Variants in CFAP77 observed in about 807,000 individuals in gnomAD.
CFAP77 encodes cilia- and flagella-associated protein 77.
Under a neutral mutation model 31.1 loss-of-function variants are expected in CFAP77, and 25 were observed. The observed-to-expected ratio is 0.80, with a 90% CI of 0.59 to 1.12. CFAP77 has a LOEUF of 1.12. Among genes scored for constraint, CFAP77 ranks in the 50% most tolerant of loss-of-function variants. The probability of loss-of-function intolerance (pLI) is 0.00; values close to 1 mark genes in which losing one functional copy is unlikely to be tolerated. For missense variants in CFAP77, 377 were observed against 397.3 expected (o/e 0.95, Z 0.44); for synonymous variants, 151 against 159.9 (o/e 0.94, Z 0.42).
rs1467682556 is a variant in CFAP77 at position 132,411,880 on chromosome 9, CACACACACACAT to C, written c.195+1418_195+1429del. On this transcript the variant is annotated intron_variant, in intron 1 of 5. Coordinates refer to ENST00000393216, the MANE Select transcript of CFAP77 (RefSeq NM_001282957.2). ...ATATGTACACACACACACACACACA[CACACACACACAT>C]ACATGCATATGCATTTGTGTATGCA... Among the ~76,000 whole-genome samples the C allele has an allele frequency of 1.9e-3, 287 of 152,150 alleles. 1 individual carries two copies. The highest frequency in any genetic ancestry group is 6.4e-3 in the African/African-American group (266 of 41,484).
chr9:132,476,888 G>T (rs888292033), intron 1 of CFAP77, among the ~76,000 whole-genome samples: 3 of 152,200 alleles, frequency 2.0e-5, no homozygotes, highest in Admixed American at 1.3e-4. Context: ...GGAGCGGTGA[G>T]ATTTCTGCTG....
chr9:132,435,282 CTTATT>C (rs1850486497), intron 1 of CFAP77, among the ~76,000 whole-genome samples: 1 of 152,134 alleles, frequency 6.6e-6, no homozygotes, highest in East Asian at 1.9e-4. Context: ...AGATTGCCCA[CTTATT>C]TTATTTATTT....
chr9:132,556,398 T>A (rs1340757849), intron 5 of CFAP77, among the ~76,000 whole-genome samples: 1 of 152,008 alleles, frequency 6.6e-6, no homozygotes, highest in Non-Finnish European at 1.5e-5. Flanking sequence ...ATCATCTGGG[T>A]TCTGCAAAGA....
At chr9:132,571,544 C>T (rs953073478) in intron 5 of CFAP77, among the ~76,000 whole-genome samples, 6 of 152,206 alleles carry the variant, frequency 3.9e-5, no homozygotes, top group Non-Finnish European at 7.3e-5. Flanking sequence ...ATATCCCCCA[C>T]ATCTGACACA....
intron 5 of CFAP77, among the ~76,000 whole-genome samples, chr9:132,548,701 T>G (rs1050550849): frequency 7.3e-6 from 1 of 137,362 alleles, no homozygotes; most frequent in East Asian, 2.2e-4. Context: ...CACATTCCCC[T>G]CCCGCCCCCA....
chr9:132,522,110 G>T (rs1335854014), intron 3 of CFAP77, among the ~76,000 whole-genome samples: 1 of 152,144 alleles, frequency 6.6e-6, no homozygotes, highest in East Asian at 1.9e-4. Flanking sequence ...AGGAGCAGGG[G>T]GCCAGGGGAT....
intron 1 of CFAP77, among the ~76,000 whole-genome samples, chr9:132,416,335 T>TC (rs1850096766): frequency 7.3e-6 from 1 of 137,640 alleles, no homozygotes; most frequent in Non-Finnish European, 1.5e-5. Context: ...TCTGATTTTT[T>TC]TTTTTTTTTT....
chr9:132,536,027 C>T (rs1204166516), intron 3 of CFAP77, among the ~76,000 whole-genome samples: 1 of 151,924 alleles, frequency 6.6e-6, no homozygotes, highest in East Asian at 1.9e-4. Flanking sequence ...CATTTTCTTC[C>T]TCATGAAAAT....
rs900262713 is a variant in CFAP77, at chr9:132,517,421, T to C, written c.524+17821T>C. 6.6e-6 allele frequency among the ~76,000 whole-genome samples: 1 copy of C among 152,246 alleles called. No individual in the cohort carries two copies. Among genetic ancestry groups the C allele is most frequent in the African/African-American group, 2.4e-5 (1 of 41,456 alleles). The stretch of plus-strand genomic sequence containing the variant: ...CGTTGAACAGACCTCGGCGCTGTCA[T>C]TGATTTTCCAGGAAGAAAAAAATCG... On this transcript the variant is annotated intron_variant, in intron 3 of 5. Transcript: ENST00000393216. The surrounding 1 kb of genome is among the most constrained non-coding windows in gnomAD (Gnocchi z 4.7).
intron 4 of CFAP77, among the ~76,000 whole-genome samples, chr9:132,538,794 A>G (rs1180917440): frequency 6.6e-6 from 1 of 150,474 alleles, no homozygotes; most frequent in African/African-American, 2.5e-5. Context: ...AGATACTAGA[A>G]TGGTACTTCC....
rs1041854301 is a variant in CFAP77, at chr9:132,480,477, T to G, written c.196-18218T>G. On this transcript the variant is annotated intron_variant, in intron 1 of 5. Coordinates refer to ENST00000393216, the MANE Select transcript of CFAP77 (RefSeq NM_001282957.2). This position sits in a 1 kb window ranked among gnomAD's most constrained non-coding sequence, Gnocchi z 5.8. ...CCCCACCCCTTGGTGCTCAGTCACG[T>G]GAGCATCCCAGAGCATGTGCTGAAG... Among the ~76,000 whole-genome samples the G allele has an allele frequency of 6.6e-6, 1 of 152,212 alleles. No homozygotes were observed. The highest frequency in any genetic ancestry group is 1.5e-5 in the Non-Finnish European group (1 of 68,036).
chr9:132,419,703 A>T (rs1316097670), intron 1 of CFAP77, among the ~76,000 whole-genome samples: 1 of 151,772 alleles, frequency 6.6e-6, no homozygotes, highest in African/African-American at 2.4e-5. Flanking sequence ...CTTTTTATGC[A>T]TTTAAGACTG....
At chr9:132,438,397 A>G (rs1451423850) in intron 1 of CFAP77, among the ~76,000 whole-genome samples, 1 of 151,046 alleles carries the variant, frequency 6.6e-6, no homozygotes, top group Non-Finnish European at 1.5e-5. Context: ...GATTTTGTAT[A>G]CCATTGGTTT....
intron 1 of CFAP77, among the ~76,000 whole-genome samples, chr9:132,483,000 G>A (rs1408373245): frequency 6.7e-6 from 1 of 149,980 alleles, no homozygotes; most frequent in Admixed American, 6.7e-5. Flanking sequence ...GGCTATGTGA[G>A]GGGGCTCATG....
intron 1 of CFAP77, among the ~76,000 whole-genome samples, chr9:132,475,955 C>T (rs561675932): frequency 5.9e-5 from 9 of 152,368 alleles, no homozygotes; most frequent in East Asian, 1.9e-4. Flanking sequence ...ACTCACCTTC[C>T]GTCTGGTCTG....
intron 5 of CFAP77, among the ~76,000 whole-genome samples, chr9:132,559,288 T>C (rs1387745388): frequency 1.5e-5 from 2 of 133,606 alleles, no homozygotes; most frequent in African/African-American, 3.0e-5. Flanking sequence ...GAGGTTGCAG[T>C]GAGCCGAGAT....
At chr9:132,559,959 T>A (rs192257604) in intron 5 of CFAP77, among the ~76,000 whole-genome samples, 1 of 152,210 alleles carries the variant, frequency 6.6e-6, no homozygotes, top group Non-Finnish European at 1.5e-5. Flanking sequence ...TCCATTTATA[T>A]GAAGAGTCCA....
intron 1 of CFAP77, among the ~76,000 whole-genome samples, chr9:132,447,590 G>A (rs1022640817): frequency 4.5e-4 from 69 of 152,198 alleles, no homozygotes; most frequent in African/African-American, 1.5e-3. Context: ...GAGTGGCTGC[G>A]GTCGGTCCGC....
chr9:132,537,930 G>A (rs1344500392), intron 4 of CFAP77, among the ~76,000 whole-genome samples: 1 of 152,150 alleles, frequency 6.6e-6, no homozygotes, highest in Admixed American at 6.5e-5. Flanking sequence ...GAGGAGATGG[G>A]TCCGGGCCAT....
Sources: gnomAD v4.1 joint callset for allele counts (sites outside exome capture counted in the v4.1 genomes callset) on GRCh38, gnomAD v4.1.1 for gene constraint, Gnocchi (gnomAD v3.1) non-coding constraint, MANE v1.5 for transcripts, NCBI Gene and HGNC (gene_info 2026-07-23, HGNC 2026-07-21) for gene names.